The following SPTBN5 variants were observed in gnomAD, a reference collection of about 807,000 sequenced individuals.
SPTBN5 encodes the protein spectrin beta chain, non-erythrocytic 5.
Under a neutral mutation model 477.6 loss-of-function variants are expected in SPTBN5, and 513 were observed. The ratio of observed to expected loss-of-function variants is 1.07; its 90% CI spans 1.00 to 1.16. The LOEUF is 1.16. SPTBN5 is among the 50% of genes most tolerant of loss of function. The probability of loss-of-function intolerance (pLI) is 0.00; values close to 1 mark genes in which losing one functional copy is unlikely to be tolerated. For synonymous variants in SPTBN5, 2,169 were observed against 2,011.7 expected (o/e 1.08, Z -2.09); for missense variants, 5,062 against 4,731.8 (o/e 1.07, Z -2.05).
rs1454051071 is a variant in SPTBN5 at position 41,856,616 on chromosome 15, G to T, written c.8809-18C>A. On this transcript the variant is annotated intron_variant, in intron 52 of 67. Transcript: ENST00000320955. ...TCCAGGTTCTGCGGGGGAGGAGGCA[G>T]GAGGATGCGGATGTTGCTGACCCTT... is the stretch of plus-strand genomic sequence containing the variant. 6.4e-7 allele frequency: 1 copy of T among 1,556,256 alleles called. No individual in the cohort carries two copies. Among genetic ancestry groups the T allele is most frequent in the Non-Finnish European group, 8.6e-7 (1 of 1,156,752 alleles).
chr15:41,875,985 G>A (rs2066710044), intron 21 of SPTBN5, 129 bp downstream of exon 21: 2 of 1,171,336 alleles, frequency 1.7e-6, no homozygotes, highest in Non-Finnish European at 2.4e-6. Context: ...GAGGCTTGCA[G>A]GGGGAGGTTC....
intron 62 of SPTBN5, 41 bp from the exon 63 acceptor site, chr15:41,851,891 AC>A (rs2065777169): frequency 6.5e-7 from 1 of 1,541,830 alleles, no homozygotes; most frequent in Admixed American, 1.8e-5. Context: ...CAGGACCAGC[AC>A]CCTCAGGAAG....
chr15:41,882,032 G>C lies in SPTBN5; in HGVS notation c.2361C>G (p.His787Gln). ...QAAAETLLRR[H>Q]VRLERVLRAF... ...CGCGCAGGACGCGCTCCAGCCGCAC[G>C]TGGCGCCTCAGCAGGGTCTCGGCGG... The change falls in exon 12 of 68, where the codon CAC (histidine) becomes CAG (glutamine). Residue 787 changes from histidine to glutamine, a missense_variant. Coordinates refer to ENST00000320955, the MANE Select transcript of SPTBN5 (RefSeq NM_016642.4). The C allele has an allele frequency of 1.3e-6, 2 of 1,548,362 alleles. No homozygotes were observed. The highest frequency in any genetic ancestry group is 1.7e-6 in the Non-Finnish European group (2 of 1,157,998).
chr15:41,883,952 G>A (rs534711315), intron 7 of SPTBN5, among the ~76,000 whole-genome samples: 31 of 152,072 alleles, frequency 2.0e-4, no homozygotes, highest in African/African-American at 7.2e-4. Context: ...CACCATGCCC[G>A]GCTAATTTTT....
In SPTBN5 at chr15:41,879,571, C is replaced by A. The variant is rs914346714; in HGVS notation, c.2943-72G>T. 4.0e-6 allele frequency: 6 copies of A among 1,518,640 alleles called. No individual in the cohort carries two copies. The African/African-American group carries it at 4.1e-5, about 10-fold the overall frequency. The allele number at this position is 1,518,640 out of a possible 1,614,324, so 94.1% of individuals were successfully genotyped here. A position where few individuals can be genotyped will look rare whatever the true frequency, so the allele number is the denominator to read the frequency against. On this transcript the variant is annotated intron_variant, in intron 15 of 67. Coordinates refer to ENST00000320955, the MANE Select transcript of SPTBN5 (RefSeq NM_016642.4). Reference sequence around the variant, plus strand: ...ATCCATCCGGGAGCCTTGGCCAGAGCCTCACGTGACAGAAGCTGCCAGACT... The same window carrying A: ...ATCCATCCGGGAGCCTTGGCCAGAGACTCACGTGACAGAAGCTGCCAGACT...
intron 67 of SPTBN5, among the ~76,000 whole-genome samples, chr15:41,848,985 C>T (rs1396775582): frequency 6.6e-6 from 1 of 152,236 alleles, no homozygotes; most frequent in Non-Finnish European, 1.5e-5. Flanking sequence ...ATATTGGGCT[C>T]TGCAGGACTG....
chr15:41,870,872 G>A (rs767190824), intron 29 of SPTBN5, among the ~76,000 whole-genome samples: 4 of 152,358 alleles, frequency 2.6e-5, no homozygotes, highest in Admixed American at 2.0e-4. Context: ...GATCACAGAC[G>A]CTTTGTGGGC....
At chr15:41,848,947 C>T (rs140377473) in intron 67 of SPTBN5, among the ~76,000 whole-genome samples, 1 of 152,324 alleles carries the variant, frequency 6.6e-6, no homozygotes, top group African/African-American at 2.4e-5. Flanking sequence ...CAAGGCCTGT[C>T]CCGTCAGCAA....
At chr15:41,853,103 C>T (rs1280123854) in intron 59 of SPTBN5, 103 bp from the exon 60 acceptor site, 1 of 1,431,736 alleles carries the variant, frequency 7.0e-7, no homozygotes, top group Non-Finnish European at 9.3e-7. Context: ...AGAGGGAAGG[C>T]TGTGAGACCC....
At position 41,861,785 on chromosome 15, in the gene SPTBN5, C is replaced by G. The variant is rs1294225113; in HGVS notation, c.7687G>C (p.Gly2563Arg). The G allele has an allele frequency of 3.2e-6, 5 of 1,562,308 alleles. No homozygotes were observed. The South Asian group carries it at 5.8e-5, about 18-fold the overall frequency. The part of the protein sequence containing the change: ...GLEQELSSLE[G>R]AWQEHQLQLQ... ...TGTAGCTGATGCTCCTGCCAGGCCC[C>G]TTCCAGGCTGCTCAGCTCCTGTTCT... The change falls in exon 45 of 68, where the codon GGG becomes CGG. Residue 2563 changes from glycine to arginine, a missense_variant. Transcript: ENST00000320955.
At position 41,866,396 on chromosome 15, in the gene SPTBN5, G is replaced by T. The variant is rs371637036; in HGVS notation, c.6578C>A (p.Ala2193Asp). The change falls in exon 37 of 68, where the codon GCC becomes GAC. Residue 2193 changes from alanine to aspartate, a missense_variant. Ala to Asp is a moderately radical substitution (Grantham distance 126, BLOSUM62 -2). Coordinates refer to ENST00000320955, the MANE Select transcript of SPTBN5 (RefSeq NM_016642.4). ...DKLKPLLKHQ[A>D]FEAEVQAHEE... ...ATGGGCCTGGACTTCAGCCTCAAAG[G>T]CCTGGTGTTTCAGCAGGGGCTTCAG... 3 of 1,611,804 alleles carry T rather than the reference G, an allele frequency of 1.9e-6. No individual in the cohort carries two copies. The highest frequency in any genetic ancestry group is 2.5e-6 in the Non-Finnish European group (3 of 1,178,934).
Position 41,874,094 on chromosome 15 carries a change from C to T in SPTBN5, c.4690-49G>A, listed in dbSNP as rs758075500. 3.4e-5 allele frequency: 52 copies of T among 1,542,296 alleles called. No individual in the cohort carries two copies. In the Middle Eastern group the frequency reaches 8.8e-4, roughly 26 times the overall value. The stretch of plus-strand genomic sequence containing the variant: ...CTGCTGCTCTTAACCCAGGGGCGTC[C>T]GGAGCAGAGCCATGGATGTGGCTCC... On this transcript the variant is annotated intron_variant, in intron 24 of 67. Coordinates refer to ENST00000320955, the MANE Select transcript of SPTBN5 (RefSeq NM_016642.4).
Position 41,848,445 on chromosome 15 carries a change from G to T in SPTBN5, c.*171C>A. 1 of 751,126 alleles carries T rather than the reference G, an allele frequency of 1.3e-6. No homozygotes were observed. Among genetic ancestry groups the T allele is most frequent in the Non-Finnish European group, 2.3e-6 (1 of 425,914 alleles). The allele number at this position is 751,126 out of a possible 1,614,324, so 46.5% of individuals were successfully genotyped here. ...GGCAATGGCTGTTTCCTGCCACATG[G>T]TAGGACCCATCTAACCAGAAGGAAC... On this transcript the variant is annotated 3_prime_UTR_variant, in exon 68 of 68. Coordinates refer to ENST00000320955, the MANE Select transcript of SPTBN5 (RefSeq NM_016642.4).
chr15:41,856,770 G>T, intron 52 of SPTBN5, 83 bp downstream of exon 52: 1 of 1,424,340 alleles, frequency 7.0e-7, no homozygotes. Context: ...GAGAGTTCCT[G>T]GCTGGGCCAC....
Position 41,857,053 on chromosome 15 carries a change from G to A in SPTBN5, c.8622-14C>T. 1 of 1,595,540 alleles carries A rather than the reference G, an allele frequency of 6.3e-7. No homozygotes were observed. Among genetic ancestry groups the A allele is most frequent in the Middle Eastern group, 1.7e-4 (1 of 6,032 alleles). ...AGGCTCTTGAACCTGCAGCGGTGGA[G>A]GGTGGGACCAAGGGAGGCAGGGACC... On this transcript the variant is annotated splice_polypyrimidine_tract_variant and intron_variant, in intron 51 of 67. Transcript: ENST00000320955.
rs759899573 is a variant in SPTBN5, at chr15:41,857,047, G to A, written c.8622-8C>T. ...TCCCTCAGGCTCTTGAACCTGCAGC[G>A]GTGGAGGGTGGGACCAAGGGAGGCA... On this transcript the variant is annotated splice_polypyrimidine_tract_variant and splice_region_variant and intron_variant, in intron 51 of 67. Transcript: ENST00000320955. 3.7e-5 allele frequency: 59 copies of A among 1,597,092 alleles called. 1 individual carries two copies. The highest frequency in any genetic ancestry group is 2.6e-4 in the South Asian group (23 of 88,468).
Position 41,873,896 on chromosome 15 carries a change from C to T in SPTBN5, c.4839G>A (p.Arg1613=), listed in dbSNP as rs534783519. Residue 1613 remains arginine, a synonymous_variant, in exon 25 of 68, where the codon AGG becomes AGA. Coordinates refer to ENST00000320955, the MANE Select transcript of SPTBN5 (RefSeq NM_016642.4). ...ELEGHWAELE[R]ACEARAQCLQ... The stretch of plus-strand genomic sequence containing the variant: ...GACACTGGGCCCGCGCTTCACATGC[C>T]CTCTCCAGCTCTGCCCAGTGGCCTT... The T allele has an allele frequency of 3.7e-6, 6 of 1,611,508 alleles. No individual in the cohort carries two copies. In the East Asian group the frequency reaches 1.3e-4, roughly 36 times the overall value.
Position 41,855,640 on chromosome 15 carries a change from C to T in SPTBN5, c.9127G>A (p.Ala3043Thr), listed in dbSNP as rs753171036. ...AACGCTTCCAGGTCTCTCTTGGTGG[C>T]CTCCAGCCGCCGCAGAAGGGCCTGT... is the stretch of plus-strand genomic sequence containing the variant. ...ATQALLRRLEATKRDLEAFSP... is the reference protein window; with the variant it reads ...ATQALLRRLETTKRDLEAFSP... Residue 3043 changes from alanine (A) to threonine (T), a missense_variant, in exon 54 of 68, where the codon GCC (alanine) becomes ACC (threonine). By Grantham distance (58) the Ala-to-Thr change is moderately conservative. Transcript: ENST00000320955. 6.2e-7 allele frequency: 1 copy of T among 1,608,132 alleles called. No homozygotes were observed. The highest frequency in any genetic ancestry group is 1.1e-5 in the South Asian group (1 of 90,614).
chr15:41,850,986 C>A (rs572485801), intron 65 of SPTBN5, 47 bp from the exon 66 acceptor site: 5 of 1,587,122 alleles, frequency 3.2e-6, no homozygotes, highest in Admixed American at 1.8e-5. Flanking sequence ...CTTTGGGGAC[C>A]CCCACGCCTC....
Sources: allele counts gnomAD v4.1 joint callset (sites outside exome capture counted in the v4.1 genomes callset), GRCh38; gene constraint gnomAD v4.1.1; transcripts MANE v1.5; gene names NCBI Gene and HGNC (gene_info 2026-07-23, HGNC 2026-07-21).